The following DGLUCY variants were observed in gnomAD, a reference collection of about 807,000 sequenced individuals.
DGLUCY encodes the protein D-glutamate cyclase, mitochondrial.
DGLUCY carries 58 observed loss-of-function variants against 58.5 expected under a neutral mutation model. That is an observed-to-expected ratio of 0.99 (90% CI 0.80 to 1.23). The LOEUF (loss-of-function observed/expected upper bound fraction) is 1.23. DGLUCY is among the 50% of genes most tolerant of loss of function. The pLI, the probability that DGLUCY is intolerant of heterozygous loss-of-function variation, is 0.00. For synonymous variants in DGLUCY, 325 were observed against 314.1 expected, an observed-to-expected ratio of 1.03 and a Z score of -0.37; for missense variants, 779 against 784.7, an observed-to-expected ratio of 0.99 and a Z score of 0.09.
At chr14:91,101,386 T>G (rs2044483764) in intron 1 of DGLUCY, among the ~76,000 whole-genome samples, 1 of 152,140 alleles carries the variant, frequency 6.6e-6, no homozygotes, top group Non-Finnish European at 1.5e-5. Context: ...AGTGGAATCA[T>G]GCGCTATTTG....
intron 1 of DGLUCY, among the ~76,000 whole-genome samples, chr14:91,095,579 A>G (rs2044380951): frequency 6.6e-6 from 1 of 152,224 alleles, no homozygotes; most frequent in Non-Finnish European, 1.5e-5. Flanking sequence ...TGTGGATTTC[A>G]AAAGAGATGC....
chr14:91,111,817 C>T (rs938483470), upstream of DGLUCY, among the ~76,000 whole-genome samples: 3 of 152,220 alleles, frequency 2.0e-5, no homozygotes, highest in African/African-American at 7.2e-5. Flanking sequence ...CATGTTGTAG[C>T]ATGTATAGGA....
At chr14:91,091,500 C>T (rs987135121) in intron 1 of DGLUCY, among the ~76,000 whole-genome samples, 18 of 151,408 alleles carry the variant, frequency 1.2e-4, no homozygotes, top group South Asian at 6.3e-4. Context: ...CCAGCCTGGG[C>T]GACAAAAATA....
chr14:91,070,128 T>C (rs1036495110), intron 1 of DGLUCY, among the ~76,000 whole-genome samples: 3 of 152,204 alleles, frequency 2.0e-5, no homozygotes, highest in Non-Finnish European at 2.9e-5. Flanking sequence ...AAACTGGTAG[T>C]GTTCCTTTGA....
At chr14:91,192,150 TGTG>T (rs1365460580) in intron 9 of DGLUCY, among the ~76,000 whole-genome samples, 1 of 152,098 alleles carries the variant, frequency 6.6e-6, no homozygotes, top group Non-Finnish European at 1.5e-5. Flanking sequence ...ATAGATAAAA[TGTG>T]GTATATAATT....
At chr14:91,151,462 C>T (rs763695808) in intron 1 of DGLUCY, among the ~76,000 whole-genome samples, 4 of 151,870 alleles carry the variant, frequency 2.6e-5, no homozygotes, top group African/African-American at 4.8e-5. Context: ...AGGATGGTCT[C>T]GTCTCGATCT....
chr14:91,205,932 C>G (rs1032193565), intron 12 of DGLUCY, among the ~76,000 whole-genome samples: 1 of 149,574 alleles, frequency 6.7e-6, no homozygotes, highest in Admixed American at 6.7e-5. Flanking sequence ...CTCCGCCTCC[C>G]GGGTTAAAGC....
chr14:91,150,439 A>C (rs1452445274), intron 1 of DGLUCY, among the ~76,000 whole-genome samples: 2 of 151,874 alleles, frequency 1.3e-5, no homozygotes, highest in African/African-American at 4.8e-5. Flanking sequence ...CTAAACATTT[A>C]ATGTGAATGT....
intron 11 of DGLUCY, among the ~76,000 whole-genome samples, chr14:91,203,267 C>A (rs1214021195): frequency 1.3e-5 from 2 of 152,172 alleles, no homozygotes; most frequent in Non-Finnish European, 2.9e-5. Context: ...CTGAGAAAAA[C>A]CATCAGGATA....
intron 12 of DGLUCY, among the ~76,000 whole-genome samples, chr14:91,212,412 G>T (rs1055015791): frequency 6.6e-6 from 1 of 152,220 alleles, no homozygotes; most frequent in African/African-American, 2.4e-5. Flanking sequence ...TTCAAATGGA[G>T]ATAATAATAG....
chr14:91,061,319 T>C (rs1485072206), intron 1 of DGLUCY, among the ~76,000 whole-genome samples: 1 of 152,110 alleles, frequency 6.6e-6, no homozygotes, highest in Non-Finnish European at 1.5e-5. Context: ...CAGTCCCAGC[T>C]CCCGATGAGG....
chr14:91,151,169 A>G (rs1031768991), intron 1 of DGLUCY, among the ~76,000 whole-genome samples: 3 of 152,228 alleles, frequency 2.0e-5, no homozygotes, highest in Admixed American at 6.6e-5. Flanking sequence ...AGGCTGAAGA[A>G]TATTCTACTG....
Position 91,067,531 on chromosome 14 carries a change from T to G in DGLUCY, c.-82+6827T>G, listed in dbSNP as rs896307971. On this transcript the variant is annotated intron_variant, in intron 1 of 4. Transcript: ENST00000521334. Reference sequence around the variant, plus strand: ...GAAAATCTTTCAAAAAGTCAAAAACTACATTACCAATATCTTTTTTTTTTT... The same window carrying G: ...GAAAATCTTTCAAAAAGTCAAAAACGACATTACCAATATCTTTTTTTTTTT... 1.3e-5 allele frequency among the ~76,000 whole-genome samples: 2 copies of G among 151,962 alleles called. 1 individual carries two copies. Among genetic ancestry groups the G allele is most frequent in the Non-Finnish European group, 2.9e-5 (2 of 67,988 alleles).
chr14:91,070,263 G>C (rs2043893411), intron 1 of DGLUCY, among the ~76,000 whole-genome samples: 1 of 152,080 alleles, frequency 6.6e-6, no homozygotes, highest in South Asian at 2.1e-4. Context: ...GGGTGAAGGG[G>C]GTAGAGAAAT....
intron 7 of DGLUCY, among the ~76,000 whole-genome samples, chr14:91,176,794 G>A (rs2048878646): frequency 6.6e-6 from 1 of 152,142 alleles, no homozygotes; most frequent in African/African-American, 2.4e-5. Flanking sequence ...TAGAGACGAG[G>A]TTTTGCCATG....
In DGLUCY at chr14:91,167,204, C is replaced by G. The variant is rs772737577; in HGVS notation, c.104-21C>G. On this transcript the variant is annotated intron_variant, in intron 3 of 13. Coordinates refer to ENST00000256324, the MANE Select transcript of DGLUCY (RefSeq NM_001102368.3). ...AAGAAACCGCTGACTATACATTTTT[C>G]CCTTCTCCCACCATACCCAGAGCTC... 4 of 1,561,048 alleles carry G rather than the reference C, an allele frequency of 2.6e-6. No individual in the cohort carries two copies. In the South Asian group the frequency reaches 4.8e-5, roughly 19 times the overall value.
At chr14:91,174,355 G>C (rs2140419421) in intron 6 of DGLUCY, among the ~76,000 whole-genome samples, 1 of 152,138 alleles carries the variant, frequency 6.6e-6, no homozygotes, top group South Asian at 2.1e-4. Context: ...GCCCAGGCTG[G>C]AGTGCAGCGT....
chr14:91,114,471 C>T (rs1355497085), intron 1 of DGLUCY, 188 bp downstream of exon 1: 1 of 152,338 alleles, frequency 6.6e-6, no homozygotes, highest in African/African-American at 2.4e-5. Context: ...CTGTTCCTCT[C>T]CTTGAAAAGT....
intron 1 of DGLUCY, among the ~76,000 whole-genome samples, chr14:91,080,925 C>T (rs111990935): frequency 0.021 from 3,179 of 152,106 alleles, 37 homozygotes; most frequent in South Asian, 0.033. Flanking sequence ...ATGTATTGGC[C>T]GGGCACGGTG....
Sources: gnomAD v4.1 joint callset for allele counts (sites outside exome capture counted in the v4.1 genomes callset) on GRCh38, gnomAD v4.1.1 for gene constraint, MANE v1.5 for transcripts, NCBI Gene and HGNC (gene_info 2026-07-23, HGNC 2026-07-21) for gene names.